The following ANKFY1 variants were observed in gnomAD, a reference collection of about 807,000 sequenced individuals.
ANKFY1 encodes ankyrin repeat and FYVE domain containing 1.
Under a neutral mutation model 128.3 loss-of-function variants are expected in ANKFY1, and 47 were observed. That is an observed-to-expected ratio of 0.37 (90% confidence interval 0.29 to 0.47). The LOEUF (loss-of-function observed/expected upper bound fraction) is 0.47, where lower values mean the gene tolerates loss of function less well. Ranked by LOEUF, ANKFY1 falls within the 20% of genes least tolerant of loss-of-function variation. The probability of loss-of-function intolerance (pLI) is 1.00; values close to 1 mark genes in which losing one functional copy is unlikely to be tolerated. For synonymous variants in ANKFY1, 553 were observed against 601.6 expected (o/e 0.92, Z 1.18); for missense variants, 1,222 against 1,510.6 (o/e 0.81, Z 3.17).
chr17:4,223,036 T>C (rs1416232468), intron 3 of ANKFY1: 1 of 761,206 alleles, frequency 1.3e-6, no homozygotes, highest in Non-Finnish European at 2.4e-6. Flanking sequence ...ATAAAAGATG[T>C]ACTCCAAGAA....
chr17:4,164,332 G>GC lies in ANKFY1; in HGVS notation c.*3446dup, dbSNP rs1270697823. The GC allele has an allele frequency of 1.3e-5, 2 of 152,678 alleles. No homozygotes were observed. Among genetic ancestry groups the GC allele is most frequent in the Non-Finnish European group, 2.9e-5 (2 of 68,044 alleles). The allele number at this position is 152,678 out of a possible 1,614,324, so 9.5% of individuals were successfully genotyped here. A position where few individuals can be genotyped will look rare whatever the true frequency, so the allele number is the denominator to read the frequency against. On this transcript the variant is annotated 3_prime_UTR_variant, in exon 25 of 25. Coordinates refer to ENST00000341657, the MANE Select transcript of ANKFY1 (RefSeq NM_001330063.2). Reference sequence around the variant, plus strand: ...TGATCTTCCAAAGAAAGTCTTTAAGGCATCTGTAACTTCTGGGAATTTCAG... The same window carrying GC: ...TGATCTTCCAAAGAAAGTCTTTAAGGCCATCTGTAACTTCTGGGAATTTCAG...
chr17:4,245,829 A>G (rs1967512490), intron 1 of ANKFY1, among the ~76,000 whole-genome samples: 1 of 151,852 alleles, frequency 6.6e-6, no homozygotes, highest in South Asian at 2.1e-4. Context: ...CGGGCAGATC[A>G]TGAGGTCAGT....
chr17:4,199,820 A>T (rs2059894983), intron 7 of ANKFY1, among the ~76,000 whole-genome samples: 1 of 152,232 alleles, frequency 6.6e-6, no homozygotes, highest in African/African-American at 2.4e-5. Context: ...TTGTTGTAAG[A>T]TTAAAAGTTC....
At chr17:4,170,075 TCA>T (rs1447842487) in intron 23 of ANKFY1, among the ~76,000 whole-genome samples, 2 of 152,296 alleles carry the variant, frequency 1.3e-5, no homozygotes, top group East Asian at 3.9e-4. Context: ...AGACCAGATG[TCA>T]CAAATGCTGT....
rs113211444 is a variant in ANKFY1 at position 4,252,523 on chromosome 17, C to T, written c.11-10075G>A. 1.9e-3 allele frequency among the ~76,000 whole-genome samples: 294 copies of T among 152,132 alleles called. 1 individual carries two copies. Among genetic ancestry groups the T allele is most frequent in the African/African-American group, 6.7e-3 (280 of 41,494 alleles). ...GTTCGAGGCTGCAGTGAGCTATGAT[C>T]ATACCACTGCACCCCAGCCTGGGTA... On this transcript the variant is annotated intron_variant, in intron 1 of 24. Coordinates refer to ENST00000341657, the MANE Select transcript of ANKFY1 (RefSeq NM_001330063.2).
chr17:4,178,868 C>T lies in ANKFY1; in HGVS notation c.2587G>A (p.Ala863Thr), dbSNP rs750064348. 2 of 1,614,198 alleles carry T rather than the reference C, an allele frequency of 1.2e-6. No individual in the cohort carries two copies. The highest frequency in any genetic ancestry group is 2.2e-5 in the South Asian group (2 of 91,084). Reference sequence around the variant, plus strand: ...TGTTATTCACTCACCTGCTCAGCAGCCCCGGACTCTCGTTTGAGAATGGCC... The same window carrying T: ...TGTTATTCACTCACCTGCTCAGCAGTCCCGGACTCTCGTTTGAGAATGGCC... Reference protein sequence around the residue: ...AEAILKRESGAAEQVDNKGRN... With the variant: ...AEAILKRESGTAEQVDNKGRN... The change falls in exon 18 of 25, where the codon GCT becomes ACT. Residue 863 changes from alanine (A) to threonine (T), a missense_variant. By Grantham distance (58) the Ala-to-Thr change is moderately conservative. Transcript: ENST00000341657. This position sits in a 1 kb window ranked among gnomAD's most constrained non-coding sequence, Gnocchi z 4.1.
chr17:4,247,533 A>G (rs1967614891), intron 1 of ANKFY1, among the ~76,000 whole-genome samples: 1 of 152,190 alleles, frequency 6.6e-6, no homozygotes, highest in Non-Finnish European at 1.5e-5. Flanking sequence ...GCAGCTTATG[A>G]GCACTTACCA....
chr17:4,168,065 A>C, intron 24 of ANKFY1, 154 bp from the exon 25 acceptor site: 2 of 750,598 alleles, frequency 2.7e-6, no homozygotes, highest in South Asian at 2.3e-5. Flanking sequence ...ACCACAATTC[A>C]TGTAGAATTT....
rs114434811 is a variant in ANKFY1 at position 4,204,863 on chromosome 17, G to A, written c.898+1458C>T. On this transcript the variant is annotated intron_variant, in intron 7 of 24. Coordinates refer to ENST00000341657, the MANE Select transcript of ANKFY1 (RefSeq NM_001330063.2). ...TTGCACAGCACATAACGGTGCTTGA[G>A]GAAGATGCATCTGCTCTTGACACTG... 2.6e-3 allele frequency among the ~76,000 whole-genome samples: 400 copies of A among 152,312 alleles called. 2 individuals carry two copies. The highest frequency in any genetic ancestry group is 9.2e-3 in the African/African-American group (384 of 41,544).
At chr17:4,261,755 C>G (rs1289928490) in intron 1 of ANKFY1, among the ~76,000 whole-genome samples, 1 of 152,226 alleles carries the variant, frequency 6.6e-6, no homozygotes, top group Non-Finnish European at 1.5e-5. Context: ...TCCACAATCT[C>G]AACCTTGCTA....
chr17:4,223,619 C>G, intron 3 of ANKFY1: 1 of 1,452,238 alleles, frequency 6.9e-7, no homozygotes, highest in Non-Finnish European at 9.7e-7. Flanking sequence ...ACTCATGACT[C>G]TGGGCCAGAC....
rs530921282 is a variant in ANKFY1, at chr17:4,165,215, A to C, written c.*2564T>G. Reference sequence around the variant, plus strand: ...CAAAAGACTGTTAGGAATACACTGGATAATAAATCTGGCGATGAGCAAAGG... The same window carrying C: ...CAAAAGACTGTTAGGAATACACTGGCTAATAAATCTGGCGATGAGCAAAGG... On this transcript the variant is annotated 3_prime_UTR_variant, in exon 25 of 25. Coordinates refer to ENST00000341657, the MANE Select transcript of ANKFY1 (RefSeq NM_001330063.2). The C allele has an allele frequency of 6.6e-6, 1 of 152,370 alleles. No homozygotes were observed. Among genetic ancestry groups the C allele is most frequent in the South Asian group, 2.1e-4 (1 of 4,832 alleles). The allele number at this position is 152,370 out of a possible 1,614,324, so 9.4% of individuals were successfully genotyped here. A position where few individuals can be genotyped will look rare whatever the true frequency, so the allele number is the denominator to read the frequency against.
In ANKFY1 at chr17:4,169,342, GC is replaced by G; in HGVS notation, c.3287-55del. On this transcript the variant is annotated intron_variant, in intron 23 of 24. Coordinates refer to ENST00000341657, the MANE Select transcript of ANKFY1 (RefSeq NM_001330063.2). This position sits in a 1 kb window ranked among gnomAD's most constrained non-coding sequence, Gnocchi z 5.0. ...GTCAAACCGCGACGGCGCCACGCAA[GC>G]CCCAGGGCTTGGAGGCAGCAGGAAC... 1.4e-6 allele frequency: 2 copies of G among 1,393,352 alleles called. No homozygotes were observed. Among genetic ancestry groups the G allele is most frequent in the Non-Finnish European group, 2.0e-6 (2 of 1,008,220 alleles). The allele number at this position is 1,393,352 out of a possible 1,614,324, so 86.3% of individuals were successfully genotyped here.
At chr17:4,226,106 A>G (rs146585633) in intron 3 of ANKFY1, among the ~76,000 whole-genome samples, 5 of 152,370 alleles carry the variant, frequency 3.3e-5, no homozygotes, top group African/African-American at 1.2e-4. Context: ...TTAGGAAGTC[A>G]TAATTATAAA....
intron 1 of ANKFY1, among the ~76,000 whole-genome samples, chr17:4,246,912 G>C (rs1477635263): frequency 1.3e-5 from 2 of 152,036 alleles, no homozygotes; most frequent in Non-Finnish European, 2.9e-5. Context: ...ATGAGTTTGA[G>C]ACCAGCCTGG....
rs754304463 is a variant in ANKFY1 at position 4,179,801 on chromosome 17, G to A, written c.2317C>T (p.Pro773Ser). 7 of 1,614,210 alleles carry A rather than the reference G, an allele frequency of 4.3e-6. No individual in the cohort carries two copies. The highest frequency in any genetic ancestry group is 5.9e-6 in the Non-Finnish European group (7 of 1,180,038). ...GEEEARDGQT[P>S]LHLAASWGLE... is the part of the protein sequence containing the mutation. ...CCCCAAGAGGCTGCCAAATGCAAAGGGGTCTGCCCATCTCTAGCCTCTTCC... is the reference window on the plus strand; with the variant it reads ...CCCCAAGAGGCTGCCAAATGCAAAGAGGTCTGCCCATCTCTAGCCTCTTCC... The change falls in exon 17 of 25, where the codon CCT becomes TCT. Residue 773 changes from proline (P) to serine (S), a missense_variant. Coordinates refer to ENST00000341657, the MANE Select transcript of ANKFY1 (RefSeq NM_001330063.2).
At chr17:4,204,877 C>T (rs2059993646) in intron 7 of ANKFY1, among the ~76,000 whole-genome samples, 1 of 152,194 alleles carries the variant, frequency 6.6e-6, no homozygotes, top group African/African-American at 2.4e-5. Flanking sequence ...GATGCATCTG[C>T]TCTTGACACT....
chr17:4,216,951 T>C, intron 4 of ANKFY1, 32 bp downstream of exon 4: 1 of 1,613,248 alleles, frequency 6.2e-7, no homozygotes. Flanking sequence ...CACCACCATC[T>C]GAGGTGCTTG....
intron 22 of ANKFY1, 82 bp from the exon 23 acceptor site, chr17:4,170,943 G>A: frequency 6.3e-7 from 1 of 1,596,028 alleles, no homozygotes. Flanking sequence ...GGACAGCCAA[G>A]GGCAGAACAG....
Sources: gnomAD v4.1 joint callset for allele counts (sites outside exome capture counted in the v4.1 genomes callset) on GRCh38, gnomAD v4.1.1 for gene constraint, Gnocchi (gnomAD v3.1) non-coding constraint, MANE v1.5 for transcripts, NCBI Gene and HGNC (gene_info 2026-07-23, HGNC 2026-07-21) for gene names.